ADAM22: variants seen among roughly 807,000 people sequenced by gnomAD.
ADAM22 encodes ADAM metallopeptidase domain 22, also known as disintegrin and metalloproteinase domain-containing protein 22.
ADAM22 carries 65 observed loss-of-function variants against 144.6 expected under a neutral mutation model. That is an observed-to-expected ratio of 0.45 (90% CI 0.37 to 0.55). ADAM22 has a LOEUF of 0.55. ADAM22 is among the 20% of genes least tolerant of loss of function. The pLI, the probability that ADAM22 is intolerant of heterozygous loss-of-function variation, is 0.00. For synonymous variants in ADAM22, 391 were observed against 412.6 expected (o/e 0.95, Z 0.63); for missense variants, 974 against 1,184.9 (o/e 0.82, Z 2.61).
At chr7:87,962,787 T>C (rs2129445513) in intron 2 of ADAM22, among the ~76,000 whole-genome samples, 1 of 152,218 alleles carries the variant, frequency 6.6e-6, no homozygotes, top group African/African-American at 2.4e-5. Context: ...TTCACAGCAA[T>C]CCTCAGAGGT....
At chr7:87,973,839 C>CA (rs1167060361) in intron 2 of ADAM22, among the ~76,000 whole-genome samples, 1 of 151,338 alleles carries the variant, frequency 6.6e-6, no homozygotes, top group Admixed American at 6.6e-5. Context: ...ATCGTGAGGA[C>CA]AAAAAACCAA....
chr7:87,953,661 C>A (rs1845825839), intron 2 of ADAM22, among the ~76,000 whole-genome samples: 2 of 152,102 alleles, frequency 1.3e-5, no homozygotes, highest in South Asian at 4.1e-4. Flanking sequence ...ATTAGGTCCG[C>A]TTGTTGCAGA....
intron 3 of ADAM22, among the ~76,000 whole-genome samples, chr7:88,050,773 G>T (rs1483757457): frequency 3.3e-5 from 5 of 152,100 alleles, no homozygotes; most frequent in Admixed American, 6.5e-5. Flanking sequence ...TTTATCAGAT[G>T]GGTAGATTGC....
At chr7:88,072,025 C>G (rs949995614) in intron 3 of ADAM22, among the ~76,000 whole-genome samples, 31 of 152,088 alleles carry the variant, frequency 2.0e-4, no homozygotes, top group Admixed American at 1.8e-3. Context: ...AACTTAGGTT[C>G]TAACTTGATG....
intron 19 of ADAM22, 57 bp from the exon 20 acceptor site, chr7:88,151,200 G>A: frequency 6.2e-7 from 1 of 1,601,994 alleles, no homozygotes; most frequent in Non-Finnish European, 8.5e-7. Flanking sequence ...TTCTTTTTCA[G>A]TTATCTGACA....
At chr7:88,117,164 A>G (rs1827967258) in intron 7 of ADAM22, among the ~76,000 whole-genome samples, 1 of 152,212 alleles carries the variant, frequency 6.6e-6, no homozygotes, top group Non-Finnish European at 1.5e-5. Context: ...TCATTTCCCT[A>G]TTTATTGTTT....
chr7:88,024,634 T>G (rs1798577866), intron 3 of ADAM22, among the ~76,000 whole-genome samples: 1 of 152,100 alleles, frequency 6.6e-6, no homozygotes, highest in Non-Finnish European at 1.5e-5. Context: ...ATACGCCATG[T>G]TGGTGTGCTG....
At chr7:88,182,409 A>T (rs562723035) in intron 29 of ADAM22, among the ~76,000 whole-genome samples, 130 of 152,280 alleles carry the variant, frequency 8.5e-4, no homozygotes, top group Admixed American at 2.0e-3. Context: ...AGCATCGGGG[A>T]AAAATTCCCA....
chr7:88,073,371 G>A (rs1813335825), intron 3 of ADAM22, among the ~76,000 whole-genome samples: 1 of 152,138 alleles, frequency 6.6e-6, no homozygotes, highest in Admixed American at 6.5e-5. Context: ...CCAGTTAAGA[G>A]AGCCCCGGCT....
intron 5 of ADAM22, among the ~76,000 whole-genome samples, chr7:88,112,547 A>T (rs1313984779): frequency 6.6e-6 from 1 of 152,216 alleles, no homozygotes; most frequent in African/African-American, 2.4e-5. Flanking sequence ...CTTTAACATC[A>T]TAAAGGGCCT....
At chr7:88,093,073 C>T (rs1362349233) in intron 4 of ADAM22, among the ~76,000 whole-genome samples, 1 of 152,058 alleles carries the variant, frequency 6.6e-6, no homozygotes, top group Non-Finnish European at 1.5e-5. Context: ...GTAGCACTAA[C>T]TGATGATATT....
chr7:87,966,725 T>G (rs943581288), intron 2 of ADAM22, among the ~76,000 whole-genome samples: 1 of 123,346 alleles, frequency 8.1e-6, no homozygotes, highest in African/African-American at 3.1e-5. Context: ...AAAGCCGTTT[T>G]TTTTTTTTTT....
At chr7:88,056,372 G>A (rs1360376580) in intron 3 of ADAM22, among the ~76,000 whole-genome samples, 2 of 152,174 alleles carry the variant, frequency 1.3e-5, no homozygotes, top group Non-Finnish European at 2.9e-5. Flanking sequence ...GGATGCATCT[G>A]TAGAGATTAT....
At chr7:88,023,136 C>T (rs1434678919) in intron 3 of ADAM22, among the ~76,000 whole-genome samples, 1 of 151,972 alleles carries the variant, frequency 6.6e-6, no homozygotes, top group Non-Finnish European at 1.5e-5. Flanking sequence ...TCTTTTCTTC[C>T]TTCGTTTTAA....
rs202176851 is a variant in ADAM22, at chr7:87,982,070, C to T, written c.323+3658C>T. 4.3e-3 allele frequency among the ~76,000 whole-genome samples: 451 copies of T among 104,336 alleles called. 1 individual carries two copies. Among genetic ancestry groups the T allele is most frequent in the African/African-American group, 0.019 (351 of 18,306 alleles). 68.4% of individuals were successfully genotyped at this position (104,336 alleles called of 152,430 possible). A position where few individuals can be genotyped will look rare whatever the true frequency, so the allele number is the denominator to read the frequency against. The stretch of plus-strand genomic sequence containing the variant: ...ATATATATATATATATATATATATA[C>T]ACACACACACACACACACACACACA... On this transcript the variant is annotated intron_variant, in intron 3 of 31. Coordinates refer to ENST00000413139, the MANE Select transcript of ADAM22 (RefSeq NM_001324418.2).
At chr7:88,150,737 G>A (rs1338957739) in intron 18 of ADAM22, among the ~76,000 whole-genome samples, 3 of 151,774 alleles carry the variant, frequency 2.0e-5, no homozygotes, top group African/African-American at 7.3e-5. Flanking sequence ...ATATTTTCAG[G>A]GGCAAGTGTA....
intron 22 of ADAM22, among the ~76,000 whole-genome samples, chr7:88,158,049 T>C (rs1840479864): frequency 6.6e-6 from 1 of 151,928 alleles, no homozygotes; most frequent in Non-Finnish European, 1.5e-5. Context: ...AATGAAAGGA[T>C]GTGGGAAAAT....
intron 3 of ADAM22, among the ~76,000 whole-genome samples, chr7:88,065,048 A>G (rs899195395): frequency 1.3e-5 from 2 of 152,156 alleles, no homozygotes; most frequent in East Asian, 1.9e-4. Context: ...GATGTTTAAT[A>G]CTTTTCTTGA....
intron 3 of ADAM22, among the ~76,000 whole-genome samples, chr7:88,042,007 A>G (rs1207620160): frequency 6.6e-6 from 1 of 152,070 alleles, no homozygotes; most frequent in African/African-American, 2.4e-5. Context: ...CTATGTAAAT[A>G]TAGAGATTTG....
Sources: gnomAD v4.1 joint callset for allele counts (sites outside exome capture counted in the v4.1 genomes callset) on GRCh38, gnomAD v4.1.1 for gene constraint, MANE v1.5 for transcripts, NCBI Gene and HGNC (gene_info 2026-07-23, HGNC 2026-07-21) for gene names.